The following ZFP90 variants were observed in gnomAD, a reference collection of about 807,000 sequenced individuals.
ZFP90 encodes zinc finger protein 90 homolog.
Under a neutral mutation model 60.8 loss-of-function variants are expected in ZFP90, and 38 were observed. That is an observed-to-expected ratio of 0.62 (90% confidence interval 0.48 to 0.82). ZFP90 has a LOEUF of 0.82. Ranked by LOEUF, ZFP90 falls within the 40% of genes least tolerant of loss-of-function variation. The pLI, the probability that ZFP90 is intolerant of heterozygous loss-of-function variation, is 0.00. For missense variants in ZFP90, 711 were observed against 759.1 expected (o/e 0.94, Z 0.74); for synonymous variants, 287 against 264.8 (o/e 1.08, Z -0.82).
upstream of ZFP90, chr16:68,539,091 G>A (rs373674382): frequency 2.0e-5 from 3 of 152,392 alleles, no homozygotes; most frequent in East Asian, 3.9e-4. Context: ...CTTGCAAAGA[G>A]GAGGCGGACA....
At chr16:68,551,485 A>G (rs2091261296) in intron 2 of ZFP90, among the ~76,000 whole-genome samples, 1 of 141,638 alleles carries the variant, frequency 7.1e-6, no homozygotes, top group Non-Finnish European at 1.5e-5. Flanking sequence ...GCAGTAGCAC[A>G]GTCTTGGCTT....
chr16:68,550,894 CAAG>C (rs1459246067), intron 2 of ZFP90, among the ~76,000 whole-genome samples: 5 of 152,152 alleles, frequency 3.3e-5, no homozygotes, highest in African/African-American at 9.7e-5. Flanking sequence ...AATGAAGAGT[CAAG>C]GAGGAGGTCC....
At chr16:68,562,883 C>A in intron 4 of ZFP90, 161 bp from the exon 5 acceptor site, 4 of 1,494,838 alleles carry the variant, frequency 2.7e-6, no homozygotes, top group Non-Finnish European at 3.6e-6. Context: ...GCTATCATTT[C>A]TTCACTTTTC....
chr16:68,563,995 TTGG>T lies in ZFP90; in HGVS notation c.1210_1212del (p.Gly404del), dbSNP rs2091477225. The T allele has an allele frequency of 6.2e-7, 1 of 1,613,948 alleles. No homozygotes were observed. Among genetic ancestry groups the T allele is most frequent in the South Asian group, 1.1e-5 (1 of 91,074 alleles). Reference sequence around the variant, plus strand: ...GAATGTAGCATATGTGGGAGGGCTTTTGGTCAGAGCCCATCCCTTTATAAACAT... The same window carrying T: ...GAATGTAGCATATGTGGGAGGGCTTTTCAGAGCCCATCCCTTTATAAACAT... On this transcript the variant is annotated inframe_deletion, in exon 5 of 5. Transcript: ENST00000563169.
chr16:68,547,512 C>T (rs968319898), intron 2 of ZFP90, among the ~76,000 whole-genome samples: 1 of 152,094 alleles, frequency 6.6e-6, no homozygotes, highest in African/African-American at 2.4e-5. Context: ...AGAAAAAAGT[C>T]ATTTATGATC....
intron 4 of ZFP90, chr16:68,562,572 C>A: frequency 5.7e-6 from 1 of 176,222 alleles, no homozygotes; most frequent in East Asian, 1.6e-4. Context: ...TTCAAATAAT[C>A]TTTTCAGTTG....
At chr16:68,569,656 CTT>C (rs1191089883), downstream of ZFP90, among the ~76,000 whole-genome samples, 1 of 152,060 alleles carries the variant, frequency 6.6e-6, no homozygotes. Flanking sequence ...AATCTCAACA[CTT>C]TGGGAGGCTG....
chr16:68,575,366 A>G (rs2091588673), intron 2 of ZFP90, among the ~76,000 whole-genome samples: 1 of 152,086 alleles, frequency 6.6e-6, no homozygotes, highest in African/African-American at 2.4e-5. Flanking sequence ...TGACAACTGA[A>G]GGGTGAGGAG....
Position 68,564,311 on chromosome 16 carries a change from G to A in ZFP90, c.1524G>A (p.Arg508=). Residue 508 remains arginine, a synonymous_variant, in exon 5 of 5, where the codon AGG becomes AGA. Transcript: ENST00000563169. ...QCNVCGKAFK[R]STSFIEHHRI... The stretch of plus-strand genomic sequence containing the variant: ...ATGTATGTGGGAAAGCTTTCAAAAG[G>A]AGTACAAGTTTCATAGAGCATCACA... 6 of 1,613,954 alleles carry A rather than the reference G, an allele frequency of 3.7e-6. No homozygotes were observed. The highest frequency in any genetic ancestry group is 5.1e-6 in the Non-Finnish European group (6 of 1,179,976).
chr16:68,559,652 C>A (rs1364994905), intron 4 of ZFP90, among the ~76,000 whole-genome samples: 1 of 151,988 alleles, frequency 6.6e-6, no homozygotes, highest in Non-Finnish European at 1.5e-5. Context: ...ACTGCAGTCT[C>A]TGCCTCCCGG....
chr16:68,566,734 A>G lies in ZFP90; in HGVS notation c.*2036A>G. ...GGGTAATTCTACTCAGACCCTCCCT[A>G]CTGATTGGCTAGGATGCCTGTCAGG... is the stretch of plus-strand genomic sequence containing the variant. On this transcript the variant is annotated 3_prime_UTR_variant, in exon 5 of 5. Transcript: ENST00000563169. The G allele has an allele frequency of 2.0e-6, 2 of 985,526 alleles. No individual in the cohort carries two copies. The highest frequency in any genetic ancestry group is 2.4e-6 in the Non-Finnish European group (2 of 829,940). The allele number at this position is 985,526 out of a possible 1,614,324, so 61.0% of individuals were successfully genotyped here. A position where few individuals can be genotyped will look rare whatever the true frequency, so the allele number is the denominator to read the frequency against.
chr16:68,537,406 G>A (rs1246851287), upstream of ZFP90, among the ~76,000 whole-genome samples: 2 of 151,994 alleles, frequency 1.3e-5, no homozygotes, highest in South Asian at 2.1e-4. Flanking sequence ...GATTACAGGC[G>A]TGAGCCACCA....
chr16:68,557,675 A>G (rs188398115), intron 2 of ZFP90, among the ~76,000 whole-genome samples: 5 of 151,482 alleles, frequency 3.3e-5, no homozygotes, highest in African/African-American at 1.2e-4. Context: ...TACCCACTGT[A>G]TTTGGATTTT....
intron 4 of ZFP90, among the ~76,000 whole-genome samples, chr16:68,561,056 G>A (rs757665438): frequency 3.3e-5 from 5 of 151,842 alleles, no homozygotes; most frequent in Non-Finnish European, 7.4e-5. Context: ...CACCATGCCC[G>A]GCTAATTTTT....
intron 2 of ZFP90, among the ~76,000 whole-genome samples, chr16:68,545,688 G>T (rs997963170): frequency 2.0e-5 from 3 of 152,134 alleles, no homozygotes; most frequent in Admixed American, 1.3e-4. Context: ...GGTGGCCGGT[G>T]CCTGTAGTCC....
chr16:68,541,650 A>G (rs958111392), intron 2 of ZFP90, among the ~76,000 whole-genome samples: 2 of 152,074 alleles, frequency 1.3e-5, no homozygotes, highest in African/African-American at 4.8e-5. Context: ...TTTTACAGGG[A>G]TGAGCCTTAA....
At chr16:68,569,976 T>C (rs2091559140), downstream of ZFP90, among the ~76,000 whole-genome samples, 2 of 152,222 alleles carry the variant, frequency 1.3e-5, no homozygotes, top group East Asian at 3.9e-4. Flanking sequence ...TATTTTTTTT[T>C]TCGTCTACTG....
At chr16:68,551,812 G>A (rs1337320704) in intron 2 of ZFP90, among the ~76,000 whole-genome samples, 3 of 152,186 alleles carry the variant, frequency 2.0e-5, no homozygotes, top group African/African-American at 7.2e-5. Context: ...AGGCTGGAGT[G>A]CAGTGGCGTG....
chr16:68,536,283 G>A (rs767060695), upstream of ZFP90, among the ~76,000 whole-genome samples: 2 of 152,116 alleles, frequency 1.3e-5, no homozygotes, highest in African/African-American at 2.4e-5. Context: ...CGCACTAGGT[G>A]GAAGGCTTAC....
Sources: gnomAD v4.1 joint callset for allele counts (sites outside exome capture counted in the v4.1 genomes callset) on GRCh38, gnomAD v4.1.1 for gene constraint, MANE v1.5 for transcripts, NCBI Gene and HGNC (gene_info 2026-07-23, HGNC 2026-07-21) for gene names.